GLI3: variants seen among roughly 807,000 people sequenced by gnomAD.
The protein encoded by GLI3 is GLI family zinc finger 3, also known as transcription activator GLI3.
In GLI3, 20 loss-of-function variants were observed where a neutral mutation model predicts 100.8. The ratio of observed to expected loss-of-function variants is 0.20; its 90% CI spans 0.14 to 0.29. The LOEUF is 0.29. Among genes scored for constraint, GLI3 ranks in the 10% least tolerant of loss-of-function variants. The pLI is 1.00. For missense variants in GLI3, 2,040 were observed against 2,128.5 expected (o/e 0.96, Z 0.82); for synonymous variants, 938 against 860.5 (o/e 1.09, Z -1.58).
intron 3 of GLI3, among the ~76,000 whole-genome samples, chr7:42,103,115 G>A (rs1054888340): frequency 7.3e-6 from 1 of 136,360 alleles, no homozygotes; most frequent in East Asian, 2.1e-4. Flanking sequence ...AGGCCTGACT[G>A]GGGGAGAGTA....
chr7:42,122,793 C>T (rs987269559), intron 3 of GLI3, among the ~76,000 whole-genome samples: 5 of 152,194 alleles, frequency 3.3e-5, no homozygotes, highest in African/African-American at 1.2e-4. Context: ...CCCCTCTGTA[C>T]CAAATGCTGA....
At chr7:41,991,395 A>AT (rs1388753280) in intron 10 of GLI3, among the ~76,000 whole-genome samples, 2 of 152,112 alleles carry the variant, frequency 1.3e-5, no homozygotes, top group African/African-American at 4.8e-5. Context: ...CAACTCTATC[A>AT]TTTTTCAATC....
At chr7:42,048,431 G>A (rs541213736) in intron 5 of GLI3, 60 bp downstream of exon 5, 146 of 1,118,872 alleles carry the variant, frequency 1.3e-4, no homozygotes, top group African/African-American at 2.6e-4. Flanking sequence ...TACACGTCCC[G>A]AGTGAGGAGC....
intron 2 of GLI3, among the ~76,000 whole-genome samples, chr7:42,201,206 A>C (rs75307777): frequency 0.048 from 7,295 of 151,616 alleles, 217 homozygotes; most frequent in Non-Finnish European, 0.066. Flanking sequence ...AATGTGATAT[A>C]TCTCTCTCTC....
In GLI3 at chr7:42,016,535, G is replaced by A. The variant is rs570270744; in HGVS notation, c.1497+6933C>T. Among the ~76,000 whole-genome samples, 12 of 152,166 alleles carry A rather than the reference G, an allele frequency of 7.9e-5. 1 individual carries two copies. In the South Asian group the frequency reaches 2.5e-3, roughly 32 times the overall value. ...AACTTTTTTAGCTAATTCCCTCACC[G>A]TTTTATGTGGTAAAAGTCACTATTT... On this transcript the variant is annotated intron_variant, in intron 10 of 14. Transcript: ENST00000395925.
At chr7:42,193,556 G>A (rs550710703) in intron 2 of GLI3, among the ~76,000 whole-genome samples, 69 of 152,276 alleles carry the variant, frequency 4.5e-4, no homozygotes, top group African/African-American at 1.5e-3. Context: ...TTGTTCTCAG[G>A]TGGGACGTTT....
upstream of GLI3, among the ~76,000 whole-genome samples, chr7:42,238,813 C>T (rs1313018008): frequency 6.6e-6 from 1 of 152,238 alleles, no homozygotes; most frequent in African/African-American, 2.4e-5. Context: ...GACATTCCAA[C>T]ATCCCCTCTT....
intron 3 of GLI3, among the ~76,000 whole-genome samples, chr7:42,083,230 A>G (rs1785033648): frequency 6.6e-6 from 1 of 152,024 alleles, no homozygotes; most frequent in Non-Finnish European, 1.5e-5. Flanking sequence ...CCATCCATCT[A>G]TTCTCTATCC....
At chr7:42,250,865 C>A (rs879778301) in intron 1 of GLI3, among the ~76,000 whole-genome samples, 1 of 152,146 alleles carries the variant, frequency 6.6e-6, no homozygotes, top group Non-Finnish European at 1.5e-5. Flanking sequence ...GTAATCAGAC[C>A]TCTAAATACA....
rs772233504 is a variant in GLI3 at position 41,965,700 on chromosome 7, C to T, written c.3373G>A (p.Gly1125Arg). 1.9e-6 allele frequency: 3 copies of T among 1,613,694 alleles called. No homozygotes were observed. Among genetic ancestry groups the T allele is most frequent in the Non-Finnish European group, 8.5e-7 (1 of 1,179,890 alleles). ...ALPDDSKVPHGPGDFDAPGLP... is the reference protein window; with the variant it reads ...ALPDDSKVPHRPGDFDAPGLP... ...CCGGGCGCGTCAAAGTCACCGGGCC[C>T]GTGGGGCACTTTGCTGTCGTCCGGG... Residue 1125 changes from glycine (G) to arginine (R), a missense_variant, in exon 15 of 15, where the codon GGG (glycine) becomes AGG (arginine). Transcript: ENST00000395925.
intron 2 of GLI3, among the ~76,000 whole-genome samples, chr7:42,196,905 A>G (rs781022594): frequency 2.0e-5 from 3 of 152,264 alleles, no homozygotes; most frequent in Non-Finnish European, 4.4e-5. Flanking sequence ...GCCATCAAGT[A>G]GTATTTCTCA....
chr7:42,260,060 C>T (rs1789123453), intron 1 of GLI3, among the ~76,000 whole-genome samples: 2 of 152,002 alleles, frequency 1.3e-5, no homozygotes, highest in Admixed American at 1.3e-4. Flanking sequence ...GCCTGTATCC[C>T]CAAAGAAAAT....
intron 3 of GLI3, among the ~76,000 whole-genome samples, chr7:42,101,234 T>C (rs907334255): frequency 1.2e-4 from 19 of 152,170 alleles, no homozygotes; most frequent in Non-Finnish European, 2.6e-4. Context: ...CTATTCCTTC[T>C]TCCCACAGAA....
Position 42,045,450 on chromosome 7 carries a change from T to G in GLI3, c.760A>C (p.Ile254Leu). ...LTGQRSPYAD[I>L]IPSAATAGTG... is the part of the protein sequence containing the mutation. ...CCGGCGGTGGCAGCTGAGGGAATAATGTCTGCATAGGGGCTGCGCTGGCCA... is the reference window on the plus strand; with the variant it reads ...CCGGCGGTGGCAGCTGAGGGAATAAGGTCTGCATAGGGGCTGCGCTGGCCA... The change falls in exon 6 of 15, where the codon ATT becomes CTT. Residue 254 changes from isoleucine (I) to leucine (L), a missense_variant. Around this residue, in one of 5 missense-constraint regions of GLI3, gnomAD observed 603 missense variants for 690.9 expected, o/e 0.87. Transcript: ENST00000395925. The G allele has an allele frequency of 6.2e-7, 1 of 1,614,004 alleles. No homozygotes were observed. Among genetic ancestry groups the G allele is most frequent in the Non-Finnish European group, 8.5e-7 (1 of 1,179,856 alleles).
chr7:41,986,114 C>A (rs1416065076), intron 10 of GLI3, among the ~76,000 whole-genome samples: 2 of 152,032 alleles, frequency 1.3e-5, no homozygotes, highest in African/African-American at 4.8e-5. Context: ...GGGTACAAAC[C>A]AGCATTCTCT....
chr7:42,156,283 G>A (rs1212522176), intron 2 of GLI3, among the ~76,000 whole-genome samples: 1 of 152,170 alleles, frequency 6.6e-6, no homozygotes. Context: ...CAACGTCATG[G>A]AGCTTCTTCT....
At chr7:42,097,430 T>TG (rs1785363884) in intron 3 of GLI3, among the ~76,000 whole-genome samples, 1 of 152,134 alleles carries the variant, frequency 6.6e-6, no homozygotes, top group South Asian at 2.1e-4. Context: ...TCACAGGCCC[T>TG]GGCCCAGGCT....
rs148266246 is a variant in GLI3, at chr7:41,999,332, T to C, written c.1498-20584A>G. 3.4e-3 allele frequency among the ~76,000 whole-genome samples: 522 copies of C among 152,240 alleles called. 5 individuals are homozygous for C. The highest frequency in any genetic ancestry group is 0.012 in the African/African-American group (486 of 41,540). ...CACAGAGCAGCGTAGTCTTGACTTA[T>C]GCAATGTGGCCTTTGGACACATCTT... On this transcript the variant is annotated intron_variant, in intron 10 of 14. Coordinates refer to ENST00000395925, the MANE Select transcript of GLI3 (RefSeq NM_000168.6).
chr7:41,978,129 G>A (rs997015382), intron 11 of GLI3, among the ~76,000 whole-genome samples: 5 of 152,206 alleles, frequency 3.3e-5, no homozygotes, highest in East Asian at 3.9e-4. Context: ...AGGGCTCAGC[G>A]TGCCCAGTGC....
Sources: allele counts gnomAD v4.1 joint callset (sites outside exome capture counted in the v4.1 genomes callset), GRCh38; gene constraint gnomAD v4.1.1; regional missense constraint gnomAD v4.1.1; transcripts MANE v1.5; gene names NCBI Gene and HGNC (gene_info 2026-07-23, HGNC 2026-07-21).